The following ADGRB3 variants were observed in gnomAD, a reference collection of about 807,000 sequenced individuals.
ADGRB3 encodes adhesion G protein-coupled receptor B3, also known as brain-specific angiogenesis inhibitor 3.
In ADGRB3, 37 loss-of-function variants were observed where a neutral mutation model predicts 193.4. That is an observed-to-expected ratio of 0.19 (90% confidence interval 0.15 to 0.25). ADGRB3 has a LOEUF of 0.25. Ranked by LOEUF, ADGRB3 falls within the 10% of genes least tolerant of loss-of-function variation. The pLI is 1.00. For synonymous variants in ADGRB3, 690 were observed against 644.2 expected (o/e 1.07, Z -1.08); for missense variants, 1,637 against 1,852.9 (o/e 0.88, Z 2.14).
At chr6:68,871,350 T>C (rs1582271296) in intron 3 of ADGRB3, among the ~76,000 whole-genome samples, 1 of 152,338 alleles carries the variant, frequency 6.6e-6, no homozygotes, top group East Asian at 1.9e-4. Context: ...AGGGGTAAAG[T>C]GTGAAGACTT....
intron 3 of ADGRB3, among the ~76,000 whole-genome samples, chr6:68,748,037 A>C (rs542558926): frequency 2.6e-5 from 4 of 152,280 alleles, no homozygotes; most frequent in Admixed American, 6.5e-5. Context: ...CACTATCACG[A>C]GAATAGCATG....
intron 26 of ADGRB3, among the ~76,000 whole-genome samples, chr6:69,340,098 G>A (rs529372743): frequency 3.8e-4 from 58 of 152,212 alleles, no homozygotes; most frequent in Middle Eastern, 3.4e-3. Context: ...AGACATGATA[G>A]GCAGTGATTA....
chr6:69,295,274 A>T (rs1360177615), intron 20 of ADGRB3, among the ~76,000 whole-genome samples: 1 of 152,194 alleles, frequency 6.6e-6, no homozygotes, highest in Non-Finnish European at 1.5e-5. Flanking sequence ...TTTAGTCATG[A>T]TTTCTAAAGT....
intron 19 of ADGRB3, among the ~76,000 whole-genome samples, chr6:69,237,323 T>A (rs545813291): frequency 6.6e-6 from 1 of 152,140 alleles, no homozygotes; most frequent in South Asian, 2.1e-4. Context: ...ATTTTATACA[T>A]AATAGGCTGT....
intron 13 of ADGRB3, among the ~76,000 whole-genome samples, chr6:69,037,003 A>G (rs145388555): frequency 1.3e-5 from 2 of 152,346 alleles, no homozygotes; most frequent in Non-Finnish European, 2.9e-5. Context: ...TCTTAAATTA[A>G]TTCAGTTGAG....
At chr6:68,694,985 T>A (rs1279994710) in intron 3 of ADGRB3, among the ~76,000 whole-genome samples, 1 of 152,080 alleles carries the variant, frequency 6.6e-6, no homozygotes, top group East Asian at 1.9e-4. Context: ...TACGAGGTAA[T>A]AGGCATCGTA....
chr6:69,261,837 T>C (rs1437871450), intron 20 of ADGRB3, among the ~76,000 whole-genome samples: 1 of 152,032 alleles, frequency 6.6e-6, no homozygotes, highest in African/African-American at 2.4e-5. Context: ...AACTAAAGGT[T>C]CGTTAAGAAT....
chr6:68,990,701 A>G (rs1356421098), intron 10 of ADGRB3, among the ~76,000 whole-genome samples: 1 of 152,138 alleles, frequency 6.6e-6, no homozygotes. Flanking sequence ...ATTCAATTCT[A>G]TGTTGTGATG....
intron 15 of ADGRB3, among the ~76,000 whole-genome samples, chr6:69,058,683 T>A (rs1454836071): frequency 2.0e-5 from 3 of 152,112 alleles, no homozygotes; most frequent in African/African-American, 7.2e-5. Context: ...CAATATTTCT[T>A]GTGATTTCTT....
intron 3 of ADGRB3, among the ~76,000 whole-genome samples, chr6:68,702,029 TAAAG>T (rs1200376062): frequency 6.6e-6 from 1 of 152,102 alleles, no homozygotes; most frequent in Non-Finnish European, 1.5e-5. Context: ...TGCTCTGCTA[TAAAG>T]AAATACTGGA....
chr6:68,900,246 T>TA (rs1376481098), intron 3 of ADGRB3, among the ~76,000 whole-genome samples: 1 of 152,180 alleles, frequency 6.6e-6, no homozygotes, highest in Non-Finnish European at 1.5e-5. Flanking sequence ...ACTAAAACTA[T>TA]AAAAATGACC....
chr6:68,842,459 C>A (rs1768177260), intron 3 of ADGRB3, among the ~76,000 whole-genome samples: 1 of 151,832 alleles, frequency 6.6e-6, no homozygotes, highest in African/African-American at 2.4e-5. Flanking sequence ...TGCAGCCTAT[C>A]AAAATTGAAA....
chr6:69,240,380 C>T lies in ADGRB3; in HGVS notation c.2814+1154C>T, dbSNP rs531176024. On this transcript the variant is annotated intron_variant, in intron 20 of 31. Transcript: ENST00000370598. ...GCCCTGTAGAAATAAAAATTACTTT[C>T]GTGTCTTTGAGTGTTTAATTTTCCT... Among the ~76,000 whole-genome samples, 4 of 152,150 alleles carry T rather than the reference C, an allele frequency of 2.6e-5. No homozygotes were observed. The South Asian group carries it at 6.2e-4, about 24-fold the overall frequency.
intron 3 of ADGRB3, among the ~76,000 whole-genome samples, chr6:68,827,147 A>T (rs1216963805): frequency 6.6e-6 from 1 of 152,130 alleles, no homozygotes; most frequent in Non-Finnish European, 1.5e-5. Context: ...GATTTGGGAG[A>T]TGACAGAAAG....
intron 3 of ADGRB3, among the ~76,000 whole-genome samples, chr6:68,779,760 A>G (rs1424047008): frequency 6.6e-6 from 1 of 152,130 alleles, no homozygotes; most frequent in Non-Finnish European, 1.5e-5. Context: ...TATTCATGCT[A>G]CAGATGATGT....
At chr6:69,042,565 T>C (rs1771103376) in intron 13 of ADGRB3, among the ~76,000 whole-genome samples, 1 of 152,232 alleles carries the variant, frequency 6.6e-6, no homozygotes, top group South Asian at 2.1e-4. Flanking sequence ...ACATGTAGAT[T>C]CAGTTCAGTC....
intron 17 of ADGRB3, among the ~76,000 whole-genome samples, chr6:69,223,375 C>G (rs908149877): frequency 2.0e-5 from 3 of 152,020 alleles, no homozygotes; most frequent in Non-Finnish European, 4.4e-5. Context: ...TAAGCTTAAC[C>G]CTTAATTGAT....
chr6:68,638,515 T>C (rs1342669609), intron 2 of ADGRB3, 146 bp from the exon 3 acceptor site: 12 of 804,772 alleles, frequency 1.5e-5, no homozygotes, highest in Non-Finnish European at 2.2e-5. Flanking sequence ...TTTCCTGTGT[T>C]ATAAAATAAA....
intron 3 of ADGRB3, among the ~76,000 whole-genome samples, chr6:68,889,419 G>T (rs2150228386): frequency 6.6e-6 from 1 of 152,108 alleles, no homozygotes; most frequent in East Asian, 1.9e-4. Context: ...TAATGAAATT[G>T]GTAATATGTC....
Sources: allele counts gnomAD v4.1 joint callset (sites outside exome capture counted in the v4.1 genomes callset), GRCh38; gene constraint gnomAD v4.1.1; transcripts MANE v1.5; gene names NCBI Gene and HGNC (gene_info 2026-07-23, HGNC 2026-07-21).